The following AFG2A variants were observed in gnomAD, a reference collection of about 807,000 sequenced individuals.
AFG2A encodes ATPase family gene 2 protein homolog A.
At chr4:122,966,852 A>G in the AFG2A span, among the ~76,000 whole-genome samples, 1 of 152,120 alleles carries the variant, frequency 6.6e-6, no homozygotes, top group Admixed American at 6.5e-5. Flanking sequence ...GTACCCTCAT[A>G]TGTAAGAGCT....
At chr4:122,986,833 T>A in the AFG2A span, among the ~76,000 whole-genome samples, 1 of 152,196 alleles carries the variant, frequency 6.6e-6, no homozygotes, top group Non-Finnish European at 1.5e-5. Flanking sequence ...GTCTGTTAGG[T>A]CCATTTAGTC....
the AFG2A span, among the ~76,000 whole-genome samples, chr4:122,931,135 A>G: frequency 6.6e-6 from 1 of 152,160 alleles, no homozygotes; most frequent in Non-Finnish European, 1.5e-5. Context: ...TTGGTTTGAT[A>G]TTTTTACTGT....
At chr4:123,058,260 G>T in the AFG2A span, among the ~76,000 whole-genome samples, 2 of 152,214 alleles carry the variant, frequency 1.3e-5, no homozygotes, top group African/African-American at 4.8e-5. Flanking sequence ...GGTGGAAGGC[G>T]AAAGACATCT....
the AFG2A span, among the ~76,000 whole-genome samples, chr4:123,006,889 A>G: frequency 1.7e-5 from 1 of 58,816 alleles, no homozygotes; most frequent in African/African-American, 4.8e-5. Flanking sequence ...GTTTCTTTGC[A>G]TGCTTGTTAT....
chr4:123,075,209 G>T, the AFG2A span, among the ~76,000 whole-genome samples: 1 of 152,110 alleles, frequency 6.6e-6, no homozygotes, highest in Non-Finnish European at 1.5e-5. Flanking sequence ...CTCCCAAAGT[G>T]CTGGGATTAC....
chr4:123,288,037 T>C, the AFG2A span, among the ~76,000 whole-genome samples: 1 of 151,898 alleles, frequency 6.6e-6, no homozygotes, highest in African/African-American at 2.4e-5. Context: ...TAGAGCCCAG[T>C]TGAAAAAAAG....
the AFG2A span, among the ~76,000 whole-genome samples, chr4:123,035,349 A>G: frequency 4.6e-5 from 7 of 151,902 alleles, no homozygotes; most frequent in Non-Finnish European, 7.4e-5. Flanking sequence ...GTTTCTATTT[A>G]ATTTCCTTTA....
At chr4:123,114,832 G>C in the AFG2A span, among the ~76,000 whole-genome samples, 274 of 152,340 alleles carry the variant, frequency 1.8e-3, 7 homozygotes, top group Admixed American at 0.018. Context: ...TGGCATAGTG[G>C]CCCTGGCCAA....
At chr4:123,221,223 A>G in the AFG2A span, among the ~76,000 whole-genome samples, 1 of 152,176 alleles carries the variant, frequency 6.6e-6, no homozygotes, top group Non-Finnish European at 1.5e-5. Context: ...TGGCACAATC[A>G]TAGCTCACTG....
the AFG2A span, among the ~76,000 whole-genome samples, chr4:122,958,856 G>T: frequency 2.6e-5 from 4 of 152,158 alleles, no homozygotes; most frequent in Admixed American, 2.6e-4. Context: ...AGTGTTTAAG[G>T]GAGTTAGGAA....
the AFG2A span, among the ~76,000 whole-genome samples, chr4:123,041,277 A>ATTTTTTTTTT: frequency 4.2e-5 from 5 of 118,150 alleles, 1 homozygote; most frequent in East Asian, 5.0e-4. Context: ...CGCCCAGCTA[A>ATTTTTTTTTT]TTTTTTTTTT....
chr4:122,944,569 C>T, the AFG2A span, among the ~76,000 whole-genome samples: 3 of 152,108 alleles, frequency 2.0e-5, no homozygotes, highest in Non-Finnish European at 1.5e-5. Context: ...AACTTCTTTG[C>T]CTTTGGTTTG....
At chr4:122,923,947 T>G in the AFG2A span, among the ~76,000 whole-genome samples, 3,305 of 152,350 alleles carry the variant, frequency 0.022, 61 homozygotes, top group Non-Finnish European at 0.036. Context: ...AAGCCATTCC[T>G]AGATGACAGC....
At chr4:123,021,420 T>C in the AFG2A span, among the ~76,000 whole-genome samples, 1 of 152,204 alleles carries the variant, frequency 6.6e-6, no homozygotes, top group Non-Finnish European at 1.5e-5. Context: ...TAAATAGAAC[T>C]TCAGTTACTG....
the AFG2A span, among the ~76,000 whole-genome samples, chr4:123,063,996 T>C: frequency 6.6e-6 from 1 of 152,184 alleles, no homozygotes; most frequent in Non-Finnish European, 1.5e-5. Flanking sequence ...GAAGTCTTTG[T>C]ATTTCAAAAA....
At chr4:123,232,518 A>G in the AFG2A span, among the ~76,000 whole-genome samples, 261 of 152,182 alleles carry the variant, frequency 1.7e-3, no homozygotes, top group African/African-American at 6.1e-3. Flanking sequence ...CGTGATTTTA[A>G]CAAGAATCAT....
chr4:122,993,160 G>A, the AFG2A span, among the ~76,000 whole-genome samples: 3 of 150,598 alleles, frequency 2.0e-5, no homozygotes, highest in East Asian at 5.8e-4. Flanking sequence ...TGATTTTTGT[G>A]CTTTTTTTTT....
At chr4:123,012,932 C>T in the AFG2A span, among the ~76,000 whole-genome samples, 119 of 152,238 alleles carry the variant, frequency 7.8e-4, no homozygotes, top group African/African-American at 2.6e-3. Flanking sequence ...CCCCCCTATC[C>T]GAGTCACGGC....
the AFG2A span, among the ~76,000 whole-genome samples, chr4:123,304,377 C>CTT: frequency 6.6e-6 from 1 of 152,114 alleles, no homozygotes; most frequent in Non-Finnish European, 1.5e-5. Context: ...TGCATGTGTT[C>CTT]GCAAACAGCA....
Sources: allele counts gnomAD v4.1 joint callset (sites outside exome capture counted in the v4.1 genomes callset), GRCh38; gene constraint gnomAD v4.1.1; transcripts MANE v1.5; gene names NCBI Gene and HGNC (gene_info 2026-07-23, HGNC 2026-07-21).